The following SRGAP2C variants were observed in gnomAD, a reference collection of about 807,000 sequenced individuals.
SRGAP2C encodes the protein SLIT-ROBO Rho GTPase-activating protein 2C.
SRGAP2C carries 15 observed loss-of-function variants against 25.1 expected under a neutral mutation model. The ratio of observed to expected loss-of-function variants is 0.60; its 90% CI spans 0.40 to 0.92. The LOEUF (loss-of-function observed/expected upper bound fraction) is 0.92. Ranked by LOEUF, SRGAP2C falls within the 40% of genes least tolerant of loss-of-function variation. The pLI, the probability that SRGAP2C is intolerant of heterozygous loss-of-function variation, is 0.00. For missense variants in SRGAP2C, 144 were observed against 264.4 expected (o/e 0.54, Z 3.16); for synonymous variants, 44 against 96.6 (o/e 0.46, Z 3.19).
intron 4 of SRGAP2C, among the ~76,000 whole-genome samples, chr1:121,334,612 C>T (rs1658472645): frequency 1.5e-5 from 2 of 129,118 alleles, no homozygotes; most frequent in African/African-American, 2.9e-5. Flanking sequence ...GGATTACAGG[C>T]GTGAGCTGCC....
chr1:121,231,679 A>T (rs1553327577), intron 2 of SRGAP2C, among the ~76,000 whole-genome samples: 2 of 150,712 alleles, frequency 1.3e-5, no homozygotes, highest in Non-Finnish European at 2.9e-5. Flanking sequence ...CTCATTATTG[A>T]TGTGAGAATA....
chr1:121,217,279 A>G (rs1277052154), intron 2 of SRGAP2C, among the ~76,000 whole-genome samples: 3 of 147,982 alleles, frequency 2.0e-5, no homozygotes, highest in Non-Finnish European at 4.5e-5. Flanking sequence ...ACATTTGGGT[A>G]CCATTCTGTA....
chr1:121,201,833 T>C (rs1204646001), intron 2 of SRGAP2C, among the ~76,000 whole-genome samples: 3 of 152,242 alleles, frequency 2.0e-5, no homozygotes, highest in Non-Finnish European at 2.9e-5. Flanking sequence ...CAACTGCGTG[T>C]ACTTTTTTTA....
chr1:121,249,574 ATATATATTTTT>A (rs1461610956), intron 2 of SRGAP2C, among the ~76,000 whole-genome samples: 430 of 20,366 alleles, frequency 0.021, 1 homozygote, highest in African/African-American at 0.077. Flanking sequence ...ATATATATAT[ATATATATTTTT>A]TTTTTTTTTT....
chr1:121,343,077 CTCATA>C (rs1197685066), intron 4 of SRGAP2C, among the ~76,000 whole-genome samples: 1 of 151,644 alleles, frequency 6.6e-6, no homozygotes, highest in African/African-American at 2.4e-5. Context: ...GTTCATTAGA[CTCATA>C]TCAAATCCTG....
intron 2 of SRGAP2C, among the ~76,000 whole-genome samples, chr1:121,266,040 T>C (rs1553334233): frequency 6.6e-6 from 1 of 151,912 alleles, no homozygotes; most frequent in East Asian, 1.9e-4. Context: ...AATGGTGCAA[T>C]CTCTGCTCAC....
At chr1:121,201,867 A>C (rs1314808013) in intron 2 of SRGAP2C, among the ~76,000 whole-genome samples, 1 of 152,184 alleles carries the variant, frequency 6.6e-6, no homozygotes, top group Non-Finnish European at 1.5e-5. Flanking sequence ...TTGGAGTAGG[A>C]GTGAGGAGCT....
chr1:121,368,086 A>AG (rs1449211218), intron 5 of SRGAP2C, among the ~76,000 whole-genome samples: 1 of 102,268 alleles, frequency 9.8e-6, no homozygotes, highest in Non-Finnish European at 2.0e-5. Flanking sequence ...AAAAAAAAAA[A>AG]AAAGAAAAAG....
At chr1:121,288,811 A>G (rs1464677890) in intron 3 of SRGAP2C, among the ~76,000 whole-genome samples, 4 of 60,548 alleles carry the variant, frequency 6.6e-5, no homozygotes, top group African/African-American at 1.6e-4. Context: ...TGATTGGTGT[A>G]TTTACAAACC....
intron 3 of SRGAP2C, among the ~76,000 whole-genome samples, chr1:121,314,299 G>A (rs1255187912): frequency 6.8e-6 from 1 of 147,736 alleles, no homozygotes; most frequent in African/African-American, 2.5e-5. Context: ...GCACTTCTCT[G>A]TATTGGTTAT....
chr1:121,228,348 C>T (rs1314299414), intron 2 of SRGAP2C, among the ~76,000 whole-genome samples: 3 of 150,388 alleles, frequency 2.0e-5, no homozygotes, highest in Non-Finnish European at 4.4e-5. Context: ...GTTTACTCTG[C>T]TCCAGTCAAG....
intron 3 of SRGAP2C, among the ~76,000 whole-genome samples, chr1:121,309,922 C>T (rs1657943902): frequency 5.2e-5 from 1 of 19,290 alleles, no homozygotes; most frequent in Admixed American, 5.4e-4. Context: ...GATTTATAGT[C>T]ATTTGGGTAT....
chr1:121,272,213 G>A (rs1320359070), intron 2 of SRGAP2C, among the ~76,000 whole-genome samples: 1 of 125,538 alleles, frequency 8.0e-6, no homozygotes, highest in Non-Finnish European at 1.7e-5. Flanking sequence ...ACAGTATAAT[G>A]TACCAGGAAT....
At chr1:121,275,679 G>A (rs1657091708) in intron 2 of SRGAP2C, among the ~76,000 whole-genome samples, 1 of 151,360 alleles carries the variant, frequency 6.6e-6, no homozygotes, top group Admixed American at 6.6e-5. Context: ...TTATGAGATT[G>A]TCTTCTGTGC....
chr1:121,298,378 C>T (rs1657640426), intron 3 of SRGAP2C, among the ~76,000 whole-genome samples: 2 of 147,658 alleles, frequency 1.4e-5, no homozygotes, highest in South Asian at 2.2e-4. Context: ...CCACAGGTCC[C>T]AATTTTGACT....
At chr1:121,266,455 C>G (rs1410238078) in intron 2 of SRGAP2C, among the ~76,000 whole-genome samples, 1 of 151,960 alleles carries the variant, frequency 6.6e-6, no homozygotes, top group African/African-American at 2.4e-5. Flanking sequence ...ATTGTGCATA[C>G]TCACTTGATA....
chr1:121,239,068 G>A lies in SRGAP2C; in HGVS notation c.68-45735G>A, dbSNP rs192982955. Among the ~76,000 whole-genome samples the A allele has an allele frequency of 3.4e-3, 454 of 131,774 alleles. 2 individuals carry two copies. Among genetic ancestry groups the A allele is most frequent in the African/African-American group, 0.013 (425 of 33,684 alleles). The allele number at this position is 131,774 out of a possible 152,430, so 86.4% of individuals were successfully genotyped here. On this transcript the variant is annotated intron_variant, in intron 2 of 9. Coordinates refer to ENST00000367123, the MANE Select transcript of SRGAP2C (RefSeq NM_001329984.2). ...TTACTGAGCCCCTGCTAAGTGCCAG[G>A]CACTGATCCAGGTGCTGGGAACCTA...
At position 121,316,874 on chromosome 1, in the gene SRGAP2C, T is replaced by C. The variant is rs1321945728; in HGVS notation, c.261-7604T>C. Among the ~76,000 whole-genome samples the C allele has an allele frequency of 2.0e-5, 3 of 149,170 alleles. No homozygotes were observed. In the Admixed American group the frequency reaches 2.0e-4, roughly 10 times the overall value. On this transcript the variant is annotated intron_variant, in intron 3 of 9. Transcript: ENST00000367123. Reference sequence around the variant, plus strand: ...TTGGGGTGGCATTGTAGCATGTAGATTGTACCAAGAGGGTTTAAAAGCCTC... The same window carrying C: ...TTGGGGTGGCATTGTAGCATGTAGACTGTACCAAGAGGGTTTAAAAGCCTC...
intron 4 of SRGAP2C, among the ~76,000 whole-genome samples, chr1:121,347,016 G>A (rs1420463345): frequency 4.0e-5 from 6 of 151,748 alleles, no homozygotes; most frequent in Non-Finnish European, 7.4e-5. Context: ...GGGTACTGAT[G>A]AGCAGTGATG....
Sources: allele counts gnomAD v4.1 joint callset (sites outside exome capture counted in the v4.1 genomes callset), GRCh38; gene constraint gnomAD v4.1.1; transcripts MANE v1.5; gene names NCBI Gene and HGNC (gene_info 2026-07-23, HGNC 2026-07-21).